Variants in POLRMT observed in about 807,000 individuals in gnomAD.
POLRMT encodes the protein DNA-directed RNA polymerase, mitochondrial.
Under a neutral mutation model 132.2 loss-of-function variants are expected in POLRMT, and 114 were observed. The observed-to-expected ratio is 0.86, with a 90% CI of 0.74 to 1.01. The LOEUF is 1.01. Among genes scored for constraint, POLRMT ranks in the 50% least tolerant of loss-of-function variants. The pLI, the probability that POLRMT is intolerant of heterozygous loss-of-function variation, is 0.00. For missense variants in POLRMT, 2,003 were observed against 1,729.1 expected (o/e 1.16, Z -2.81); for synonymous variants, 1,020 against 773.4 (o/e 1.32, Z -5.29).
chr19:625,004 G>C, intron 4 of POLRMT, 99 bp from the exon 5 acceptor site: 1 of 1,522,250 alleles, frequency 6.6e-7, no homozygotes, highest in Non-Finnish European at 8.8e-7. Flanking sequence ...TAGCCTGCAG[G>C]TCTCGGTGTG....
chr19:633,356 G>A, intron 1 of POLRMT, 69 bp downstream of exon 1: 1 of 1,393,254 alleles, frequency 7.2e-7, no homozygotes, highest in Non-Finnish European at 9.4e-7. Flanking sequence ...AGCGCCAAAG[G>A]CCCCGGCCGC....
intron 2 of POLRMT, among the ~76,000 whole-genome samples, chr19:631,709 G>A (rs756662959): frequency 1.3e-5 from 2 of 152,168 alleles, no homozygotes; most frequent in African/African-American, 2.4e-5. Context: ...AAACTCAGGA[G>A]ATACTTTTAG....
chr19:622,370 G>A lies in POLRMT; in HGVS notation c.1630C>T (p.Pro544Ser). The A allele has an allele frequency of 4.5e-6, 7 of 1,548,608 alleles. No homozygotes were observed. Among genetic ancestry groups the A allele is most frequent in the Non-Finnish European group, 5.2e-6 (6 of 1,148,298 alleles). The stretch of plus-strand genomic sequence containing the variant: ...TACTGCCGCGGCAGGCAGGGCTCGG[G>A]CACCTGTAGGACAGGGCGGTCAGGG... ...LCLLASDAEV[P>S]EPCLPRQYWE... Residue 544 changes from proline (P) to serine (S), a missense_variant, in exon 9 of 21, where the codon CCC (proline) becomes TCC (serine). By Grantham distance (74) the Pro-to-Ser change is moderately conservative. Coordinates refer to ENST00000588649, the MANE Select transcript of POLRMT (RefSeq NM_005035.4).
At chr19:619,404 G>A (rs1228138948) in intron 13 of POLRMT, 108 bp from the exon 14 acceptor site, 4 of 1,412,870 alleles carry the variant, frequency 2.8e-6, no homozygotes, top group African/African-American at 2.9e-5. Context: ...CCTAGCAGGG[G>A]GGCAGGGGAA....
chr19:622,321 T>G lies in POLRMT; in HGVS notation c.1679A>C (p.Glu560Ala). Reference protein sequence around the residue: ...RQYWEELGAPEALREQPWPLP... With the variant: ...RQYWEELGAPAALREQPWPLP... ...GGGCCAGGGCTGCTCCCGCAGGGCCTCGGGCGCCCCCAGCTCCTCCCAGTA... is the reference window on the plus strand; with the variant it reads ...GGGCCAGGGCTGCTCCCGCAGGGCCGCGGGCGCCCCCAGCTCCTCCCAGTA... The change falls in exon 9 of 21, where the codon GAG becomes GCG. Residue 560 changes from glutamate (E) to alanine (A), a missense_variant. Coordinates refer to ENST00000588649, the MANE Select transcript of POLRMT (RefSeq NM_005035.4). 1.9e-6 allele frequency: 3 copies of G among 1,563,758 alleles called. No homozygotes were observed. Among genetic ancestry groups the G allele is most frequent in the Admixed American group, 1.8e-5 (1 of 54,384 alleles).
rs566839257 is a variant in POLRMT at position 628,637 on chromosome 19, G to C, written c.822+903C>G. On this transcript the variant is annotated intron_variant, in intron 3 of 20. Transcript: ENST00000588649. ...AATTAGGGCTGAAGGATCATGGGGG[G>C]GGAGAAAGCTGGGAACGTTTGCTGC... 1.3e-4 allele frequency among the ~76,000 whole-genome samples: 20 copies of C among 152,106 alleles called. No individual in the cohort carries two copies. The East Asian group carries it at 2.1e-3, about 16-fold the overall frequency.
intron 3 of POLRMT, among the ~76,000 whole-genome samples, chr19:626,032 T>C (rs1047415030): frequency 1.3e-5 from 2 of 152,060 alleles, no homozygotes; most frequent in Admixed American, 1.3e-4. Context: ...ATTTTGTGAC[T>C]ATAAATTACC....
intron 12 of POLRMT, 61 bp from the exon 13 acceptor site, chr19:619,826 G>C: frequency 4.5e-6 from 7 of 1,549,596 alleles, no homozygotes; most frequent in South Asian, 1.2e-5. Flanking sequence ...GGGCCACCAA[G>C]CACCCATGAA....
chr19:622,459 T>G, intron 8 of POLRMT, 86 bp from the exon 9 acceptor site: 1 of 1,461,624 alleles, frequency 6.8e-7, no homozygotes, highest in Non-Finnish European at 9.1e-7. Context: ...CGGTGGGGCA[T>G]CTGTCAGCCC....
Position 622,355 on chromosome 19 carries a change from G to C in POLRMT, c.1645C>G (p.Pro549Ala). The C allele has an allele frequency of 1.3e-6, 2 of 1,552,822 alleles. No individual in the cohort carries two copies. The highest frequency in any genetic ancestry group is 1.2e-5 in the South Asian group (1 of 84,830). ...SDAEVPEPCLPRQYWEELGAP... is the reference protein window; with the variant it reads ...SDAEVPEPCLARQYWEELGAP... The stretch of plus-strand genomic sequence containing the variant: ...CCCAGCTCCTCCCAGTACTGCCGCG[G>C]CAGGCAGGGCTCGGGCACCTGTAGG... The change falls in exon 9 of 21, where the codon CCG becomes GCG. Residue 549 changes from proline (P) to alanine (A), a missense_variant. Transcript: ENST00000588649.
intron 9 of POLRMT, 144 bp downstream of exon 9, chr19:622,001 CTGCA>C: frequency 8.8e-7 from 1 of 1,130,150 alleles, no homozygotes; most frequent in Non-Finnish European, 1.2e-6. Flanking sequence ...GGCCGGACAC[CTGCA>C]TGGACACCCA....
At chr19:619,328 CA>C (rs1984306971) in intron 13 of POLRMT, 32 bp from the exon 14 acceptor site, 2 of 1,600,062 alleles carry the variant, frequency 1.2e-6, no homozygotes, top group African/African-American at 1.3e-5. Context: ...TGCAGGTCCT[CA>C]GGGGCTGGCC....
chr19:617,357 C>CG (rs1555733595), intron 20 of POLRMT, 34 bp from the exon 21 acceptor site: 1 of 1,612,428 alleles, frequency 6.2e-7, no homozygotes, highest in African/African-American at 1.3e-5. Context: ...GCGTGGGTGG[C>CG]GGGAAAGCCC....
intron 3 of POLRMT, among the ~76,000 whole-genome samples, chr19:625,996 C>T (rs547811434): frequency 3.5e-4 from 54 of 152,204 alleles, no homozygotes; most frequent in African/African-American, 1.1e-3. Context: ...CCACCGCGCC[C>T]GGCCATCACC....
intron 20 of POLRMT, 46 bp from the exon 21 acceptor site, chr19:617,369 G>A (rs377072911): frequency 1.2e-4 from 194 of 1,612,294 alleles, no homozygotes; most frequent in Middle Eastern, 1.7e-4. Flanking sequence ...GGAAAGCCCC[G>A]CCCTGGCCCG....
chr19:628,634 G>GGT (rs201191021), intron 3 of POLRMT, among the ~76,000 whole-genome samples: 4,454 of 149,198 alleles, frequency 0.03, 226 homozygotes, highest in African/African-American at 0.1. Flanking sequence ...AGGATCATGG[G>GGT]GGGGGAGAAA....
Position 618,681 on chromosome 19 carries a change from CCCCAGCCCGGG to C in POLRMT, c.3323+13_3323+23del, listed in dbSNP as rs562184071. Reference sequence around the variant, plus strand: ...GCTGCTCTCCAGACCCCCGGCCAGGCCCCAGCCCGGGCCCCCCACTCACCGGCTGATGTCTC... The same window carrying C: ...GCTGCTCTCCAGACCCCCGGCCAGGCCCCCCCACTCACCGGCTGATGTCTC... On this transcript the variant is annotated intron_variant, in intron 16 of 20. Coordinates refer to ENST00000588649, the MANE Select transcript of POLRMT (RefSeq NM_005035.4). 2.1e-3 allele frequency: 3,419 copies of C among 1,605,746 alleles called. 7 individuals carry two copies. The highest frequency in any genetic ancestry group is 2.6e-3 in the Non-Finnish European group (3,084 of 1,176,152).
In POLRMT at chr19:618,553, G is replaced by C. The variant is rs773353353; in HGVS notation, c.3357C>G (p.Phe1119Leu). Residue 1119 changes from phenylalanine to leucine, a missense_variant, in exon 17 of 21, where the codon TTC (phenylalanine) becomes TTG (leucine). Transcript: ENST00000588649. ...KPNTRKQKNG[F>L]PPNFIHSLDS... ...CCAGCGAGTGGATGAAGTTGGGCGG[G>C]AAGCCGTTCTTCTGCTTACGTGTGT... is the stretch of plus-strand genomic sequence containing the variant. The C allele has an allele frequency of 4.4e-5, 71 of 1,613,224 alleles. No homozygotes were observed. The South Asian group carries it at 6.7e-4, about 15-fold the overall frequency.
rs373669217 is a variant in POLRMT, at chr19:622,833, C to A, written c.1443G>T (p.Arg481=). ...LCLLDEREVV[R]MLLQVLQALP... ...GAGGAAGACGCACCTGCAGGAGCAT[C>A]CGCACCACCTCGCGCTCGTCCAGCA... Residue 481 remains arginine (R), a synonymous_variant, in exon 7 of 21, where the codon CGG becomes CGT. Coordinates refer to ENST00000588649, the MANE Select transcript of POLRMT (RefSeq NM_005035.4). 2.5e-6 allele frequency: 4 copies of A among 1,593,382 alleles called. No homozygotes were observed. Among genetic ancestry groups the A allele is most frequent in the Non-Finnish European group, 3.4e-6 (4 of 1,169,602 alleles).
Sources: allele counts gnomAD v4.1 joint callset (sites outside exome capture counted in the v4.1 genomes callset), GRCh38; gene constraint gnomAD v4.1.1; transcripts MANE v1.5; gene names NCBI Gene and HGNC (gene_info 2026-07-23, HGNC 2026-07-21).